Variants in WSCD2 observed in about 807,000 individuals in gnomAD.
WSCD2 encodes the protein sialate:O-sulfotransferase 2.
Under a neutral mutation model 55.7 loss-of-function variants are expected in WSCD2, and 28 were observed. The ratio of observed to expected loss-of-function variants is 0.50; its 90% CI spans 0.37 to 0.69. WSCD2 has a LOEUF of 0.69. Among genes scored for constraint, WSCD2 ranks in the 30% least tolerant of loss-of-function variants. The pLI, the probability that WSCD2 is intolerant of heterozygous loss-of-function variation, is 0.00. For missense variants in WSCD2, 616 were observed against 762.1 expected (o/e 0.81, Z 2.26); for synonymous variants, 301 against 301.9 (o/e 1.00, Z 0.03).
At chr12:108,130,570 C>A (rs965728623) in intron 1 of WSCD2, among the ~76,000 whole-genome samples, 2 of 151,728 alleles carry the variant, frequency 1.3e-5, no homozygotes, top group South Asian at 4.2e-4. Context: ...AGCCAAATCG[C>A]CTCCTTGCAA....
chr12:108,243,439 G>T (rs757156302), intron 8 of WSCD2, among the ~76,000 whole-genome samples: 2 of 152,206 alleles, frequency 1.3e-5, no homozygotes, highest in East Asian at 3.9e-4. Context: ...GGGTTTCACC[G>T]TGTTAGCCAG....
chr12:108,190,427 C>A (rs1883017025), intron 1 of WSCD2, among the ~76,000 whole-genome samples: 1 of 152,056 alleles, frequency 6.6e-6, no homozygotes, highest in Non-Finnish European at 1.5e-5. Context: ...CTGCCTCTGC[C>A]CCCCAAGTCA....
chr12:108,150,596 C>G (rs768487537), intron 1 of WSCD2, among the ~76,000 whole-genome samples: 1 of 152,106 alleles, frequency 6.6e-6, no homozygotes, highest in Non-Finnish European at 1.5e-5. Flanking sequence ...GCATGCCTGG[C>G]CGGAGCACAG....
chr12:108,216,080 G>T (rs1239143832), intron 4 of WSCD2, among the ~76,000 whole-genome samples: 3 of 152,188 alleles, frequency 2.0e-5, no homozygotes, highest in Non-Finnish European at 4.4e-5. Flanking sequence ...TGGAATGGGG[G>T]TCTATGGAGC....
intron 1 of WSCD2, among the ~76,000 whole-genome samples, chr12:108,178,829 A>G (rs1375885237): frequency 2.0e-5 from 3 of 152,210 alleles, no homozygotes; most frequent in Non-Finnish European, 4.4e-5. Flanking sequence ...ATGTCAACGT[A>G]TTAATTTGGG....
Position 108,195,678 on chromosome 12 carries a change from C to T in WSCD2, c.-155C>T. The T allele has an allele frequency of 9.3e-7, 1 of 1,070,370 alleles. No individual in the cohort carries two copies. The highest frequency in any genetic ancestry group is 1.3e-6 in the Non-Finnish European group (1 of 763,844). 66.3% of individuals were successfully genotyped at this position (1,070,370 alleles called of 1,614,324 possible). A position where few individuals can be genotyped will look rare whatever the true frequency, so the allele number is the denominator to read the frequency against. On this transcript the variant is annotated 5_prime_UTR_variant, in exon 2 of 9. Transcript: ENST00000547525. ...TCAGCCAAGCATTGAACTTGCCCTCCCCTTCTGGCCTTGGTGATCACTTTT... is the reference window on the plus strand; with the variant it reads ...TCAGCCAAGCATTGAACTTGCCCTCTCCTTCTGGCCTTGGTGATCACTTTT...
chr12:108,181,194 A>G (rs1881697387), intron 1 of WSCD2, among the ~76,000 whole-genome samples: 2 of 151,890 alleles, frequency 1.3e-5, no homozygotes, highest in South Asian at 4.2e-4. Flanking sequence ...GCCTATTCCA[A>G]CCCTCGTGCC....
intron 1 of WSCD2, among the ~76,000 whole-genome samples, chr12:108,187,922 C>G (rs1365316): frequency 0.74 from 113,252 of 152,050 alleles, 43,430 homozygotes; most frequent in East Asian, 0.9. Flanking sequence ...TAGTGGCCCA[C>G]CCTGACCCTG....
intron 1 of WSCD2, among the ~76,000 whole-genome samples, chr12:108,178,953 A>T (rs1881283000): frequency 6.6e-6 from 1 of 152,168 alleles, no homozygotes; most frequent in African/African-American, 2.4e-5. Flanking sequence ...TCTGAAGGAG[A>T]TACTGTCCAC....
At chr12:108,180,050 C>CAAAAAAAA (rs59925486) in intron 1 of WSCD2, among the ~76,000 whole-genome samples, 65 of 116,610 alleles carry the variant, frequency 5.6e-4, no homozygotes, top group Non-Finnish European at 6.0e-4. Flanking sequence ...CTCAAAAAAA[C>CAAAAAAAA]AAAAAAAAAA....
At chr12:108,175,492 AAAC>A (rs1461273090) in intron 1 of WSCD2, among the ~76,000 whole-genome samples, 2 of 152,252 alleles carry the variant, frequency 1.3e-5, no homozygotes, top group African/African-American at 4.8e-5. Flanking sequence ...GCAAATGTAA[AAAC>A]AAAACCCTGT....
chr12:108,151,107 C>G (rs902320093), intron 1 of WSCD2, among the ~76,000 whole-genome samples: 1 of 152,108 alleles, frequency 6.6e-6, no homozygotes, highest in Non-Finnish European at 1.5e-5. Flanking sequence ...TCCCAGGGAG[C>G]TCACTCCCAT....
chr12:108,155,040 G>A (rs1201966727), intron 1 of WSCD2, among the ~76,000 whole-genome samples: 2 of 152,238 alleles, frequency 1.3e-5, no homozygotes, highest in Non-Finnish European at 2.9e-5. Context: ...TTCTGAAAGA[G>A]GAGTGAAGAG....
chr12:108,201,373 C>A (rs954942227), intron 2 of WSCD2, among the ~76,000 whole-genome samples: 1 of 152,300 alleles, frequency 6.6e-6, no homozygotes, highest in Admixed American at 6.5e-5. Flanking sequence ...GTTATAAGGA[C>A]ACCAGTCATA....
intron 1 of WSCD2, among the ~76,000 whole-genome samples, chr12:108,130,429 G>T (rs1592852357): frequency 6.6e-6 from 1 of 152,084 alleles, no homozygotes; most frequent in African/African-American, 2.4e-5. Context: ...CCCAGGCAAT[G>T]GGCTTTGTGT....
At chr12:108,224,135 C>T (rs544029508) in intron 4 of WSCD2, among the ~76,000 whole-genome samples, 2 of 152,146 alleles carry the variant, frequency 1.3e-5, no homozygotes, top group Non-Finnish European at 2.9e-5. Flanking sequence ...TGTAGCTGCA[C>T]GATTTCTGGG....
At chr12:108,197,875 A>G (rs1360724718) in intron 2 of WSCD2, among the ~76,000 whole-genome samples, 1 of 150,432 alleles carries the variant, frequency 6.6e-6, no homozygotes, top group African/African-American at 2.5e-5. Flanking sequence ...CTTGCAGTTC[A>G]CTGAACACAC....
Position 108,248,005 on chromosome 12 carries a change from G to A in WSCD2, c.1360G>A (p.Val454Met), listed in dbSNP as rs781687078. The A allele has an allele frequency of 1.6e-5, 25 of 1,612,582 alleles. No homozygotes were observed. Among genetic ancestry groups the A allele is most frequent in the East Asian group, 8.9e-5 (4 of 44,842 alleles). The part of the protein sequence containing the change: ...HWKGKEWPEF[V>M]RNYAPWWATH... ...TCTCTCTGCAGAGTGGCCAGAGTTC[G>A]TGAGGAACTATGCCCCGTGGTGGGC... is the stretch of plus-strand genomic sequence containing the variant. Residue 454 changes from valine (V) to methionine (M), a missense_variant, in exon 9 of 9, where the codon GTG (valine) becomes ATG (methionine). By Grantham distance (21) the Val-to-Met change is conservative. Coordinates refer to ENST00000547525, the MANE Select transcript of WSCD2 (RefSeq NM_014653.4). The surrounding 1 kb of genome is among the most constrained non-coding windows in gnomAD (Gnocchi z 4.3).
intron 4 of WSCD2, among the ~76,000 whole-genome samples, chr12:108,224,329 C>T (rs534632129): frequency 1.3e-5 from 2 of 152,256 alleles, no homozygotes; most frequent in South Asian, 2.1e-4. Context: ...ATCCTTGCTT[C>T]CCTCAGTCCT....
Sources: gnomAD v4.1 joint callset for allele counts (sites outside exome capture counted in the v4.1 genomes callset) on GRCh38, gnomAD v4.1.1 for gene constraint, Gnocchi (gnomAD v3.1) non-coding constraint, MANE v1.5 for transcripts, NCBI Gene and HGNC (gene_info 2026-07-23, HGNC 2026-07-21) for gene names.